THEMIS: variants seen among roughly 807,000 people sequenced by gnomAD.
THEMIS encodes the protein thymocyte selection associated, also known as protein THEMIS.
Under a neutral mutation model 52.6 loss-of-function variants are expected in THEMIS, and 37 were observed. The observed-to-expected ratio is 0.70, with a 90% CI of 0.54 to 0.93. THEMIS has a LOEUF of 0.93. Among genes scored for constraint, THEMIS ranks in the 40% least tolerant of loss-of-function variants. The pLI is 0.00. For missense variants in THEMIS, 808 were observed against 763.1 expected (o/e 1.06, Z -0.69); for synonymous variants, 292 against 272.7 (o/e 1.07, Z -0.70).
At chr6:127,915,582 GAGAA>G (rs1339833909) in intron 1 of THEMIS, among the ~76,000 whole-genome samples, 7 of 92,820 alleles carry the variant, frequency 7.5e-5, no homozygotes, top group African/African-American at 1.6e-4. Flanking sequence ...GAGGGTCAGA[GAGAA>G]AGAGAGAGAG....
At chr6:127,701,981 G>A in the THEMIS span, among the ~76,000 whole-genome samples, 1 of 151,568 alleles carries the variant, frequency 6.6e-6, no homozygotes, top group Non-Finnish European at 1.5e-5. Flanking sequence ...CTTCCAGTCT[G>A]TAATTATTTT....
chr6:127,750,935 T>C (rs538616451), intron 4 of THEMIS, among the ~76,000 whole-genome samples: 4 of 151,824 alleles, frequency 2.6e-5, no homozygotes, highest in East Asian at 3.9e-4. Context: ...TGAGAGATCT[T>C]ATCATCTCTC....
chr6:127,824,041 A>T (rs992787634), intron 3 of THEMIS, among the ~76,000 whole-genome samples: 2 of 152,162 alleles, frequency 1.3e-5, no homozygotes, highest in African/African-American at 4.8e-5. Context: ...ATTTGGAGAC[A>T]TAAGACCCCT....
Position 127,855,196 on chromosome 6 carries a change from G to A in THEMIS, c.92-8C>T, listed in dbSNP as rs533274705. 2 of 1,573,550 alleles carry A rather than the reference G, an allele frequency of 1.3e-6. No individual in the cohort carries two copies. The highest frequency in any genetic ancestry group is 1.2e-5 in the South Asian group (1 of 84,534). ...ACATTTCATAAATAGAGCCTAAAAG[G>A]AAAGAAAAGTTAAAACAGCTTTTTA... On this transcript the variant is annotated splice_region_variant and splice_polypyrimidine_tract_variant and intron_variant, in intron 1 of 5. Transcript: ENST00000368248.
At chr6:127,852,478 A>G (rs1400530209) in intron 2 of THEMIS, among the ~76,000 whole-genome samples, 2 of 151,592 alleles carry the variant, frequency 1.3e-5, no homozygotes, top group African/African-American at 4.8e-5. Flanking sequence ...TTAGTCCAAA[A>G]AAAACAAGTC....
chr6:127,710,054 A>T (rs369861213), intron 5 of THEMIS, 38 bp from the exon 6 acceptor site: 1 of 1,435,866 alleles, frequency 7.0e-7, no homozygotes, highest in East Asian at 2.4e-5. Context: ...AGAAATAAGT[A>T]TTGAAAATAA....
At chr6:127,841,318 G>A (rs1428988036) in intron 2 of THEMIS, among the ~76,000 whole-genome samples, 1 of 152,038 alleles carries the variant, frequency 6.6e-6, no homozygotes, top group Non-Finnish European at 1.5e-5. Flanking sequence ...CAGTTAAGAT[G>A]CAAGAAACAG....
chr6:127,828,675 C>T (rs1341969796), intron 3 of THEMIS, among the ~76,000 whole-genome samples: 2 of 152,158 alleles, frequency 1.3e-5, no homozygotes, highest in Non-Finnish European at 2.9e-5. Flanking sequence ...ACACGCCGGG[C>T]CGGGCGCGAT....
At chr6:127,870,210 C>T (rs961041268) in intron 1 of THEMIS, among the ~76,000 whole-genome samples, 2 of 152,118 alleles carry the variant, frequency 1.3e-5, no homozygotes, top group Admixed American at 6.6e-5. Flanking sequence ...ACTTCCCAGC[C>T]GCATGATGTA....
intron 4 of THEMIS, among the ~76,000 whole-genome samples, chr6:127,789,122 T>C (rs1303644154): frequency 2.0e-5 from 3 of 151,962 alleles, no homozygotes; most frequent in South Asian, 2.1e-4. Flanking sequence ...ACAAAATAGA[T>C]AGACCACTAG....
intron 2 of THEMIS, among the ~76,000 whole-genome samples, chr6:127,830,473 GC>G (rs1206550237): frequency 4.0e-5 from 6 of 151,832 alleles, no homozygotes; most frequent in Non-Finnish European, 8.8e-5. Flanking sequence ...GTCACTTGAG[GC>G]CAGGAGTTTG....
chr6:127,731,289 G>C (rs937989136), intron 4 of THEMIS, among the ~76,000 whole-genome samples: 2 of 152,102 alleles, frequency 1.3e-5, no homozygotes, highest in Admixed American at 6.6e-5. Flanking sequence ...AAGTCATTAA[G>C]GGACAGAATA....
intron 4 of THEMIS, among the ~76,000 whole-genome samples, chr6:127,781,637 T>C (rs1776747339): frequency 1.3e-5 from 2 of 152,182 alleles, no homozygotes; most frequent in Non-Finnish European, 2.9e-5. Context: ...TTTTTCCTTC[T>C]AACAGTCAGG....
rs866722861 is a variant in THEMIS, at chr6:127,915,439, T to C, written c.-150+2989A>G. On this transcript the variant is annotated intron_variant, in intron 1 of 6. Coordinates refer to the THEMIS transcript ENST00000368250. ...TCTACACTTAGGAACATTCACAGAT[T>C]TCACAGGCCTTGTTCGGGCCTATTG... Among the ~76,000 whole-genome samples, 5 of 152,246 alleles carry C rather than the reference T, an allele frequency of 3.3e-5. No homozygotes were observed. The South Asian group carries it at 1.0e-3, about 32-fold the overall frequency.
chr6:127,723,784 C>T (rs1049405004), intron 4 of THEMIS, among the ~76,000 whole-genome samples: 1 of 152,042 alleles, frequency 6.6e-6, no homozygotes, highest in Non-Finnish European at 1.5e-5. Flanking sequence ...AGCCAGCACC[C>T]TATTTTCTAG....
At position 127,829,922 on chromosome 6, in the gene THEMIS, A is replaced by C. The variant is rs766233894; in HGVS notation, c.263T>G (p.Ile88Ser). ...LPMNFPGLFK[I>S]VADKTPYLTM... ...AAGGTATGGAGTTTTATCAGCCACA[A>C]TCTTAAAAAGACCTAAGAACAGAAT... Residue 88 changes from isoleucine (I) to serine (S), a missense_variant, in exon 3 of 6, where the codon ATT becomes AGT. Physicochemically the swap from Ile to Ser is moderately radical, Grantham distance 142. Transcript: ENST00000368248. 6 of 1,608,590 alleles carry C rather than the reference A, an allele frequency of 3.7e-6. No individual in the cohort carries two copies. The Admixed American group carries it at 1.0e-4, about 27-fold the overall frequency.
chr6:127,822,277 G>A (rs140008096), intron 3 of THEMIS, among the ~76,000 whole-genome samples: 3 of 151,980 alleles, frequency 2.0e-5, no homozygotes, highest in African/African-American at 7.2e-5. Context: ...TCATTCATTT[G>A]ATCTCAATTT....
chr6:127,813,478 T>A lies in THEMIS; in HGVS notation c.1163A>T (p.Gln388Leu). The change falls in exon 4 of 6, where the codon CAG (glutamine) becomes CTG (leucine). Residue 388 changes from glutamine (Q) to leucine (L), a missense_variant. Coordinates refer to ENST00000368248, the MANE Select transcript of THEMIS (RefSeq NM_001010923.3). ...CGTCTCTGACTGATGCACCAGAAAC[T>A]GGTCCCCAACAGATACGGATGACAG... ...DKLSSVSVGD[Q>L]FLVHQSETTE... 1.2e-6 allele frequency: 2 copies of A among 1,614,050 alleles called. No homozygotes were observed. Among genetic ancestry groups the A allele is most frequent in the Non-Finnish European group, 1.7e-6 (2 of 1,179,990 alleles).
chr6:127,915,309 G>A (rs374876017), intron 1 of THEMIS, among the ~76,000 whole-genome samples: 5 of 152,184 alleles, frequency 3.3e-5, no homozygotes, highest in East Asian at 3.9e-4. Flanking sequence ...ATAATCATGC[G>A]CTAAAGACCA....
Sources: allele counts gnomAD v4.1 joint callset (sites outside exome capture counted in the v4.1 genomes callset), GRCh38; gene constraint gnomAD v4.1.1; transcripts MANE v1.5; gene names NCBI Gene and HGNC (gene_info 2026-07-23, HGNC 2026-07-21).